Variants in RP1 observed in about 807,000 individuals in gnomAD.
RP1 encodes oxygen-regulated protein 1.
RP1 carries 16 observed loss-of-function variants against 14.8 expected under a neutral mutation model. That is an observed-to-expected ratio of 1.08 (90% confidence interval 0.73 to 1.65). The LOEUF is 1.65. Ranked by LOEUF, RP1 falls within the 40% of genes most tolerant of loss-of-function variation. The pLI, the probability that RP1 is intolerant of heterozygous loss-of-function variation, is 0.00. For synonymous variants in RP1, 876 were observed against 883.6 expected (o/e 0.99, Z 0.15); for missense variants, 2,631 against 2,535.0 (o/e 1.04, Z -0.81).
At chr8:54,717,727 G>A (rs967060968) in intron 15 of RP1, among the ~76,000 whole-genome samples, 2 of 152,000 alleles carry the variant, frequency 1.3e-5, no homozygotes, top group East Asian at 1.9e-4. Flanking sequence ...ATATTATATA[G>A]GAAGTCTTAG....
chr8:54,630,777 C>G lies in RP1; in HGVS notation c.*424C>G. 1.0e-6 allele frequency: 1 copy of G among 1,003,710 alleles called. No homozygotes were observed. The highest frequency in any genetic ancestry group is 1.2e-6 in the Non-Finnish European group (1 of 841,198). 62.2% of individuals were successfully genotyped at this position (1,003,710 alleles called of 1,614,324 possible). On this transcript the variant is annotated 3_prime_UTR_variant, in exon 4 of 4. Transcript: ENST00000220676. ...AAAGTACTTCACTTATTCTTTTTAA[C>G]TACTGATTTGATAAAAAGTATGATT...
chr8:54,798,683 A>T (rs996048813), intron 24 of RP1, among the ~76,000 whole-genome samples: 1 of 152,162 alleles, frequency 6.6e-6, no homozygotes. Context: ...AGCCACATAA[A>T]TTTGAAGTGA....
At chr8:54,700,879 C>T (rs1429939259) in intron 13 of RP1, among the ~76,000 whole-genome samples, 2 of 152,134 alleles carry the variant, frequency 1.3e-5, no homozygotes, top group African/African-American at 4.8e-5. Context: ...AGATCAATAG[C>T]TCTGCCGCCT....
intron 23 of RP1, among the ~76,000 whole-genome samples, chr8:54,777,975 A>G (rs540407619): frequency 6.6e-6 from 1 of 152,330 alleles, no homozygotes; most frequent in South Asian, 2.1e-4. Flanking sequence ...ATAGTTATAT[A>G]TTGTGCTGAA....
intron 1 of RP1, among the ~76,000 whole-genome samples, chr8:54,593,469 C>T (rs1438927260): frequency 6.6e-6 from 1 of 152,130 alleles, no homozygotes; most frequent in Non-Finnish European, 1.5e-5. Context: ...TGTAGTAAAT[C>T]CCAGTCTCTC....
intron 5 of RP1, among the ~76,000 whole-genome samples, chr8:54,655,450 G>C (rs1346844048): frequency 1.6e-5 from 1 of 60,944 alleles, no homozygotes; most frequent in African/African-American, 4.2e-5. Context: ...AAATGGATCA[G>C]GTATAAATAA....
At chr8:54,805,270 T>C (rs1052741667) in intron 24 of RP1, among the ~76,000 whole-genome samples, 1 of 152,230 alleles carries the variant, frequency 6.6e-6, no homozygotes, top group African/African-American at 2.4e-5. Flanking sequence ...TTATATAGTA[T>C]ATAATTAGTT....
intron 1 of RP1, among the ~76,000 whole-genome samples, chr8:54,599,614 T>G (rs1433666260): frequency 6.6e-6 from 1 of 152,000 alleles, no homozygotes; most frequent in African/African-American, 2.4e-5. Context: ...TCACCATGCC[T>G]GGCTAATTTT....
At chr8:54,669,146 C>T (rs200633907) in intron 7 of RP1, among the ~76,000 whole-genome samples, 11 of 152,038 alleles carry the variant, frequency 7.2e-5, no homozygotes, top group African/African-American at 2.4e-4. Flanking sequence ...AAGGCTAATA[C>T]CCAGAATCTA....
At chr8:54,817,815 AAAT>A (rs1811169451) in intron 24 of RP1, among the ~76,000 whole-genome samples, 1 of 152,194 alleles carries the variant, frequency 6.6e-6, no homozygotes, top group Non-Finnish European at 1.5e-5. Context: ...TTTTCTCTAA[AAAT>A]AATATGTACT....
At chr8:54,609,152 G>A (rs535200060) in intron 1 of RP1, among the ~76,000 whole-genome samples, 1 of 152,302 alleles carries the variant, frequency 6.6e-6, no homozygotes, top group East Asian at 1.9e-4. Context: ...GGTAGCAAGA[G>A]CCAGGAAAGA....
chr8:54,741,074 AAG>A (rs1247294405), intron 19 of RP1, among the ~76,000 whole-genome samples: 1 of 152,142 alleles, frequency 6.6e-6, no homozygotes, highest in East Asian at 1.9e-4. Flanking sequence ...AATATAAAGA[AAG>A]AAAATATTTT....
intron 24 of RP1, among the ~76,000 whole-genome samples, chr8:54,810,753 G>C (rs1049757009): frequency 6.6e-6 from 1 of 152,174 alleles, no homozygotes; most frequent in African/African-American, 2.4e-5. Flanking sequence ...AAGAGGGAAG[G>C]CTCGGTCCAA....
At chr8:54,790,253 T>C (rs1383304111) in intron 24 of RP1, among the ~76,000 whole-genome samples, 2 of 152,180 alleles carry the variant, frequency 1.3e-5, no homozygotes, top group Non-Finnish European at 2.9e-5. Context: ...TCTTGCCCAA[T>C]TGGAGACCTT....
chr8:54,788,655 AT>A (rs925840365), intron 24 of RP1, among the ~76,000 whole-genome samples: 42 of 152,308 alleles, frequency 2.8e-4, no homozygotes, highest in Admixed American at 5.2e-4. Context: ...AAGTTGAAAT[AT>A]TTTTAAAATG....
intron 1 of RP1, among the ~76,000 whole-genome samples, chr8:54,604,071 T>A (rs1383018414): frequency 6.6e-6 from 1 of 152,216 alleles, no homozygotes; most frequent in Non-Finnish European, 1.5e-5. Context: ...CTTCCAACAC[T>A]ATGTTGAATA....
chr8:54,763,982 G>A (rs1009207625), intron 22 of RP1, among the ~76,000 whole-genome samples: 1 of 152,104 alleles, frequency 6.6e-6, no homozygotes, highest in Non-Finnish European at 1.5e-5. Context: ...GACTTTAAAA[G>A]CTTTCCACTA....
At chr8:54,796,336 T>C (rs181532823) in intron 24 of RP1, among the ~76,000 whole-genome samples, 1 of 152,306 alleles carries the variant, frequency 6.6e-6, no homozygotes, top group Non-Finnish European at 1.5e-5. Context: ...AGTATTTGTA[T>C]TGTGTTTGGG....
At chr8:54,651,654 C>G (rs1806657361) in intron 4 of RP1, among the ~76,000 whole-genome samples, 1 of 152,126 alleles carries the variant, frequency 6.6e-6, no homozygotes, top group Non-Finnish European at 1.5e-5. Flanking sequence ...TTGCTAACAT[C>G]TAGATAGGCT....
Sources: allele counts gnomAD v4.1 joint callset (sites outside exome capture counted in the v4.1 genomes callset), GRCh38; gene constraint gnomAD v4.1.1; transcripts MANE v1.5; gene names NCBI Gene and HGNC (gene_info 2026-07-23, HGNC 2026-07-21).